Variants in CBLN2 observed in about 807,000 individuals in gnomAD.
The protein encoded by CBLN2 is cerebellin-2.
A neutral mutation model predicts 15.0 loss-of-function variants in CBLN2; 7 were observed. The observed-to-expected ratio is 0.47, with a 90% CI of 0.27 to 0.88. CBLN2 has a LOEUF of 0.88. Among genes scored for constraint, CBLN2 ranks in the 40% least tolerant of loss-of-function variants. CBLN2 has a pLI of 0.14. For synonymous variants in CBLN2, 149 were observed against 135.2 expected (o/e 1.10, Z -0.71); for missense variants, 242 against 304.5 (o/e 0.79, Z 1.53).
intron 1 of CBLN2, among the ~76,000 whole-genome samples, chr18:72,581,624 T>A (rs2069405561): frequency 6.6e-6 from 1 of 152,230 alleles, no homozygotes. Flanking sequence ...CGAAGTTATC[T>A]GTATATTCTC....
At chr18:72,626,927 T>G (rs2069743463) in intron 1 of CBLN2, among the ~76,000 whole-genome samples, 1 of 152,212 alleles carries the variant, frequency 6.6e-6, no homozygotes, top group South Asian at 2.1e-4. Flanking sequence ...TTTTGGCTTC[T>G]AATGCTGCAG....
At chr18:72,576,001 A>G (rs1469579919) in intron 1 of CBLN2, among the ~76,000 whole-genome samples, 1 of 152,162 alleles carries the variant, frequency 6.6e-6, no homozygotes, top group African/African-American at 2.4e-5. Flanking sequence ...TTTGTAAGCT[A>G]TTAGTTATGT....
intron 1 of CBLN2, among the ~76,000 whole-genome samples, chr18:72,623,829 C>T (rs928747463): frequency 1.3e-5 from 2 of 152,036 alleles, no homozygotes; most frequent in Non-Finnish European, 2.9e-5. Context: ...TTGCTTACAC[C>T]AATCTTCTAG....
At chr18:72,575,613 C>A (rs1331753093) in intron 1 of CBLN2, among the ~76,000 whole-genome samples, 5 of 152,144 alleles carry the variant, frequency 3.3e-5, no homozygotes, top group African/African-American at 1.2e-4. Flanking sequence ...TTTCAGAGGG[C>A]TGCCGGAGAA....
chr18:72,601,097 C>A (rs1348466657), intron 1 of CBLN2, among the ~76,000 whole-genome samples: 1 of 152,080 alleles, frequency 6.6e-6, no homozygotes, highest in Non-Finnish European at 1.5e-5. Context: ...GAATTCTGGC[C>A]CTTCTCATAA....
At chr18:72,594,340 G>C (rs2069499466) in intron 1 of CBLN2, among the ~76,000 whole-genome samples, 1 of 151,968 alleles carries the variant, frequency 6.6e-6, no homozygotes, top group Admixed American at 6.6e-5. Flanking sequence ...ATCCTATTTT[G>C]TCAAGATGAA....
rs945768958 is a variant in CBLN2, at chr18:72,542,303, C to T, written c.-143G>A. Reference sequence around the variant, plus strand: ...TCTGACGTTCAAGGCCAGGGTCGTTCTCAGAAGAAAGGCGCCTGTGAACCT... The same window carrying T: ...TCTGACGTTCAAGGCCAGGGTCGTTTTCAGAAGAAAGGCGCCTGTGAACCT... On this transcript the variant is annotated 5_prime_UTR_variant, in exon 3 of 5. Transcript: ENST00000269503. 1 of 422,858 alleles carries T rather than the reference C, an allele frequency of 2.4e-6. No homozygotes were observed. Among genetic ancestry groups the T allele is most frequent in the Non-Finnish European group, 3.6e-6 (1 of 281,232 alleles). 26.2% of individuals were successfully genotyped at this position (422,858 alleles called of 1,614,324 possible).
At chr18:72,582,934 C>T (rs186731167) in intron 1 of CBLN2, among the ~76,000 whole-genome samples, 8 of 152,322 alleles carry the variant, frequency 5.3e-5, no homozygotes, top group Admixed American at 2.0e-4. Flanking sequence ...CCCATCAAAA[C>T]GCTGGTATCT....
chr18:72,606,518 A>G (rs751964911), intron 1 of CBLN2, among the ~76,000 whole-genome samples: 1 of 152,234 alleles, frequency 6.6e-6, no homozygotes, highest in Non-Finnish European at 1.5e-5. Flanking sequence ...GAGTACAACA[A>G]GATGTTTCCT....
chr18:72,554,518 G>A (rs1261102614), intron 1 of CBLN2, among the ~76,000 whole-genome samples: 4 of 151,800 alleles, frequency 2.6e-5, no homozygotes, highest in South Asian at 4.2e-4. Flanking sequence ...TTAGCCTAAC[G>A]TAATCATTCC....
At chr18:72,559,238 C>T (rs911751867) in intron 1 of CBLN2, among the ~76,000 whole-genome samples, 2 of 152,168 alleles carry the variant, frequency 1.3e-5, no homozygotes, top group Non-Finnish European at 2.9e-5. Flanking sequence ...ATACAATTAA[C>T]CAATCAGCAG....
intron 1 of CBLN2, among the ~76,000 whole-genome samples, chr18:72,567,775 C>T (rs1055537805): frequency 3.3e-5 from 5 of 152,156 alleles, no homozygotes; most frequent in African/African-American, 1.2e-4. Context: ...TCAGGCTCAG[C>T]TTAGGCTTAT....
At chr18:72,592,031 T>C (rs2069483056) in intron 1 of CBLN2, among the ~76,000 whole-genome samples, 1 of 152,156 alleles carries the variant, frequency 6.6e-6, no homozygotes, top group Non-Finnish European at 1.5e-5. Flanking sequence ...TTGGCAGCTA[T>C]GTTTTTAGTT....
At chr18:72,583,243 T>C (rs1449539908) in intron 1 of CBLN2, among the ~76,000 whole-genome samples, 1 of 152,212 alleles carries the variant, frequency 6.6e-6, no homozygotes, top group African/African-American at 2.4e-5. Flanking sequence ...CAGGCAGAGC[T>C]AAATCCTTGA....
chr18:72,551,218 A>T (rs1203695284), intron 1 of CBLN2, among the ~76,000 whole-genome samples: 1 of 152,158 alleles, frequency 6.6e-6, no homozygotes, highest in African/African-American at 2.4e-5. Flanking sequence ...ACTTTCAGAC[A>T]TGTCTAATGG....
intron 1 of CBLN2, among the ~76,000 whole-genome samples, chr18:72,612,436 T>C (rs2069628650): frequency 6.6e-6 from 1 of 152,130 alleles, no homozygotes. Context: ...AAAGTTTACT[T>C]CCCTCAAACT....
In CBLN2 at chr18:72,542,048, A is replaced by G; in HGVS notation, c.113T>C (p.Leu38Pro). 6.3e-7 allele frequency: 1 copy of G among 1,587,720 alleles called. No homozygotes were observed. The highest frequency in any genetic ancestry group is 8.5e-7 in the Non-Finnish European group (1 of 1,175,818). Residue 38 changes from leucine to proline, a missense_variant, in exon 3 of 5, where the codon CTG (leucine) becomes CCG (proline). This residue lies in a region of CBLN2 where 96 missense variants were observed against 83.8 expected (regional missense o/e 1.15). Coordinates refer to ENST00000269503, the MANE Select transcript of CBLN2 (RefSeq NM_182511.4). ...GCAGGCGGGCAGTAGCAGCAACAGC[A>G]GGGCCAGCGCCACCCCCAGGCAGGA... is the stretch of plus-strand genomic sequence containing the variant. ...CGSCLGVALA[L>P]LLLLLPACCP...
chr18:72,620,396 G>C (rs2069692479), intron 1 of CBLN2: 2 of 152,232 alleles, frequency 1.3e-5, no homozygotes, highest in Admixed American at 6.5e-5. Flanking sequence ...AGGAAGGGGA[G>C]CTGGAAAGGA....
intron 1 of CBLN2, among the ~76,000 whole-genome samples, chr18:72,571,237 T>C (rs993462936): frequency 6.6e-6 from 1 of 152,122 alleles, no homozygotes; most frequent in African/African-American, 2.4e-5. Context: ...GAGCACAAAT[T>C]TTAACCAGAA....
Sources: gnomAD v4.1 joint callset for allele counts (sites outside exome capture counted in the v4.1 genomes callset) on GRCh38, gnomAD v4.1.1 for gene constraint, gnomAD v4.1.1 regional missense constraint, MANE v1.5 for transcripts, NCBI Gene and HGNC (gene_info 2026-07-23, HGNC 2026-07-21) for gene names.